The following PTOV1 variants were observed in gnomAD, a reference collection of about 807,000 sequenced individuals.
PTOV1 encodes the protein PTOV1 extended AT-hook containing adaptor protein.
PTOV1 carries 20 observed loss-of-function variants against 58.0 expected under a neutral mutation model. That is an observed-to-expected ratio of 0.34 (90% CI 0.24 to 0.50). The LOEUF (loss-of-function observed/expected upper bound fraction) is 0.50. PTOV1 is among the 20% of genes least tolerant of loss of function. The pLI is 0.98. For synonymous variants in PTOV1, 335 were observed against 234.2 expected (o/e 1.43, Z -3.93); for missense variants, 593 against 565.4 (o/e 1.05, Z -0.50).
At chr19:49,851,242 G>T (rs1416331242) in exon 1 of PTOV1, 2 of 1,124,374 alleles carry the variant, frequency 1.8e-6, no homozygotes, top group South Asian at 8.6e-5. Context: ...GAAGCCGCGC[G>T]CCCGCGCCCG....
chr19:49,853,281 GGAAACTCTC>G (rs2074325844), intron 1 of PTOV1: 1 of 152,200 alleles, frequency 6.6e-6, no homozygotes, highest in Non-Finnish European at 1.5e-5. Flanking sequence ...CCTATTACGG[GGAAACTCTC>G]GTGGGTTTCC....
intron 10 of PTOV1, 23 bp downstream of exon 10, chr19:49,858,676 G>A (rs2074593493): frequency 1.9e-6 from 3 of 1,565,694 alleles, no homozygotes; most frequent in Non-Finnish European, 1.7e-6. Context: ...AGCAGACGCA[G>A]GGGAGGGGCC....
chr19:49,855,672 A>AG (rs1164063888), intron 5 of PTOV1: 4 of 157,514 alleles, frequency 2.5e-5, no homozygotes, highest in Admixed American at 2.4e-4. Flanking sequence ...AAGGGATCTG[A>AG]GAGCGGCTTC....
chr19:49,855,011 G>C, exon 5 of PTOV1: 1 of 1,601,166 alleles, frequency 6.2e-7, no homozygotes, highest in South Asian at 1.1e-5. Context: ...AGTTGGCACA[G>C]TTCCACTTCA....
intron 1 of PTOV1, chr19:49,852,131 G>A (rs2074277859): frequency 1.1e-6 from 1 of 952,336 alleles, no homozygotes. Flanking sequence ...GAAACCGTAA[G>A]GTTTACCTGG....
chr19:49,857,893 T>C lies in PTOV1; in HGVS notation c.805-11T>C, dbSNP rs2074550583. On this transcript the variant is annotated splice_polypyrimidine_tract_variant and intron_variant, in intron 7 of 11. Coordinates refer to ENST00000391842, the Ensembl canonical transcript of PTOV1. ...AGCCCTGAGGGCTCCTCTTTGCCTC[T>C]CCCCCAAAAGCCCAGGCCTGAGCCC... The C allele has an allele frequency of 6.2e-7, 1 of 1,612,962 alleles. No individual in the cohort carries two copies. Among genetic ancestry groups the C allele is most frequent in the Non-Finnish European group, 8.5e-7 (1 of 1,179,318 alleles).
chr19:49,855,041 G>A (rs142093990), exon 5 of PTOV1: 55 of 1,598,182 alleles, frequency 3.4e-5, no homozygotes, highest in East Asian at 3.2e-4. Context: ...ACTGCGACTC[G>A]CTCAAGGGGC....
chr19:49,860,276 G>A (rs758476530), exon 12 of PTOV1: 43 of 1,613,376 alleles, frequency 2.7e-5, no homozygotes, highest in Non-Finnish European at 3.4e-5. Context: ...AGATGGGGGG[G>A]TAGTGGTTAC....
intron 10 of PTOV1, 57 bp from the exon 11 acceptor site, chr19:49,859,929 G>T: frequency 6.3e-7 from 1 of 1,575,790 alleles, no homozygotes; most frequent in African/African-American, 1.3e-5. Context: ...TGCCGTGGTT[G>T]GAGGGATGCT....
At chr19:49,851,321 C>T (rs2074235350) in exon 1 of PTOV1, 2 of 1,060,368 alleles carry the variant, frequency 1.9e-6, no homozygotes, top group Non-Finnish European at 1.1e-6. Flanking sequence ...GCTCGGCCCG[C>T]GCCCGCCATG....
chr19:49,860,293 C>G, exon 12 of PTOV1: 1 of 1,582,628 alleles, frequency 6.3e-7, no homozygotes, highest in Non-Finnish European at 8.6e-7. Context: ...TTACCCCGGG[C>G]TGGGCCCCTC....
chr19:49,857,225 T>G (rs772384518), intron 6 of PTOV1, 95 bp downstream of exon 6: 1 of 1,504,686 alleles, frequency 6.6e-7, no homozygotes, highest in Non-Finnish European at 9.1e-7. Flanking sequence ...CGGAGTGTGA[T>G]GCGATGGCTG....
At chr19:49,858,368 T>C (rs1020959077) in intron 9 of PTOV1, 181 bp from the exon 10 acceptor site, 28 of 681,016 alleles carry the variant, frequency 4.1e-5, no homozygotes, top group Non-Finnish European at 6.7e-5. Flanking sequence ...CCAAGGGATC[T>C]GAGAGCGGCT....
intron 9 of PTOV1, chr19:49,858,347 C>A: frequency 1.5e-6 from 1 of 687,946 alleles, no homozygotes. Context: ...CGACCTGCAC[C>A]TGGGGGGCTG....
At chr19:49,857,969 G>A (rs540090112) in exon 8 of PTOV1, 3 of 1,613,618 alleles carry the variant, frequency 1.9e-6, no homozygotes, top group African/African-American at 1.3e-5. Context: ...TGAACCAGGG[G>A]GAGATCCTGT....
At chr19:49,854,090 GA>G (rs1291070560) in intron 1 of PTOV1, among the ~76,000 whole-genome samples, 2 of 152,246 alleles carry the variant, frequency 1.3e-5, no homozygotes, top group Middle Eastern at 3.2e-3. Context: ...TGGGTCTCAA[GA>G]ATCGATCAGG....
exon 2 of PTOV1, chr19:49,854,470 G>A: frequency 6.2e-7 from 1 of 1,612,662 alleles, no homozygotes; most frequent in Non-Finnish European, 8.5e-7. Context: ...CTCACCCTCG[G>A]GGGTCTGGCC....
upstream of PTOV1, chr19:49,850,773 G>C (rs1003347588): frequency 2.9e-6 from 4 of 1,369,406 alleles, no homozygotes; most frequent in Non-Finnish European, 4.0e-6. Context: ...ACCCTCAGTG[G>C]GTTCCCTTTC....
exon 1 of PTOV1, chr19:49,851,400 G>A (rs1237471354): frequency 1.4e-5 from 17 of 1,183,782 alleles, no homozygotes; most frequent in Non-Finnish European, 1.8e-5. Context: ...GCCGCCCTCC[G>A]CGGCCCCTCG....
Sources: gnomAD v4.1 joint callset for allele counts (sites outside exome capture counted in the v4.1 genomes callset) on GRCh38, gnomAD v4.1.1 for gene constraint, MANE v1.5 for transcripts, NCBI Gene and HGNC (gene_info 2026-07-23, HGNC 2026-07-21) for gene names.